Variants in SRFBP1 observed in about 807,000 individuals in gnomAD.
SRFBP1 encodes the protein serum response factor-binding protein 1.
SRFBP1 carries 47 observed loss-of-function variants against 45.5 expected under a neutral mutation model. The ratio of observed to expected loss-of-function variants is 1.03; its 90% CI spans 0.82 to 1.32. SRFBP1 has a LOEUF of 1.32. Ranked by LOEUF, SRFBP1 falls within the 40% of genes most tolerant of loss-of-function variation. The probability of loss-of-function intolerance (pLI) is 0.00; values close to 1 mark genes in which losing one functional copy is unlikely to be tolerated. For synonymous variants in SRFBP1, 203 were observed against 166.3 expected, an observed-to-expected ratio of 1.22 and a Z score of -1.70; for missense variants, 621 against 484.6, an observed-to-expected ratio of 1.28 and a Z score of -2.64.
At chr5:122,061,884 C>A (rs1202360376) in intron 2 of SRFBP1, among the ~76,000 whole-genome samples, 2 of 151,890 alleles carry the variant, frequency 1.3e-5, no homozygotes, top group African/African-American at 4.8e-5. Flanking sequence ...ATCCTTATGT[C>A]CTATAGCTCA....
chr5:122,001,647 C>T lies in SRFBP1; in HGVS notation c.270+6977C>T, dbSNP rs938824048. Among the ~76,000 whole-genome samples, 68 of 150,282 alleles carry T rather than the reference C, an allele frequency of 4.5e-4. 1 individual carries two copies. In the East Asian group the frequency reaches 0.012, roughly 27 times the overall value. The stretch of plus-strand genomic sequence containing the variant: ...CGCAATCTCGGCTCACTGCAAGCTC[C>T]GCTTCCCGGGTTCACGCCATTCTCC... On this transcript the variant is annotated intron_variant, in intron 4 of 7. Coordinates refer to ENST00000339397, the MANE Select transcript of SRFBP1 (RefSeq NM_152546.3).
intron 2 of SRFBP1, among the ~76,000 whole-genome samples, chr5:122,047,611 G>T (rs1753888368): frequency 6.6e-6 from 1 of 152,116 alleles, no homozygotes; most frequent in African/African-American, 2.4e-5. Context: ...GATGGGGATG[G>T]CATTGAATCT....
chr5:122,069,971 CAG>C (rs774293610), intron 2 of SRFBP1: 9 of 970,882 alleles, frequency 9.3e-6, no homozygotes, highest in South Asian at 9.0e-5. Flanking sequence ...GTAGCAGAAA[CAG>C]ATACATTCTA....
Position 121,985,096 on chromosome 5 carries a change from T to A in SRFBP1, c.199-9503T>A, listed in dbSNP as rs76445746. Among the ~76,000 whole-genome samples the A allele has an allele frequency of 6.8e-4, 104 of 151,986 alleles. 3 individuals are homozygous for A. The East Asian group carries it at 0.018, about 26-fold the overall frequency. ...TAGTTTATAAAAATATAGAAATTAA[T>A]ATGGTGTCTGCCTTTGAGAAGCTTA... On this transcript the variant is annotated intron_variant, in intron 3 of 7. Transcript: ENST00000339397.
chr5:122,002,558 G>A (rs1228278623), intron 4 of SRFBP1, among the ~76,000 whole-genome samples: 3 of 152,184 alleles, frequency 2.0e-5, no homozygotes, highest in Non-Finnish European at 4.4e-5. Flanking sequence ...ATACTGCATA[G>A]TTTTTACTTT....
chr5:122,021,554 G>A (rs1442179952), intron 6 of SRFBP1, among the ~76,000 whole-genome samples: 6 of 151,774 alleles, frequency 4.0e-5, no homozygotes, highest in African/African-American at 1.5e-4. Flanking sequence ...AACGTGTGGA[G>A]TGTTGAAATA....
intron 3 of SRFBP1, among the ~76,000 whole-genome samples, chr5:121,976,320 A>G (rs897387518): frequency 8.6e-5 from 13 of 151,826 alleles, no homozygotes; most frequent in Admixed American, 3.3e-4. Context: ...CACTATTATA[A>G]AATTCATGGA....
chr5:121,980,311 G>A (rs1752383615), intron 3 of SRFBP1, among the ~76,000 whole-genome samples: 2 of 152,046 alleles, frequency 1.3e-5, no homozygotes, highest in African/African-American at 4.8e-5. Flanking sequence ...TTTACTATCA[G>A]TGTTGAGTTC....
At chr5:122,066,661 A>G in intron 2 of SRFBP1, 1 of 1,115,040 alleles carries the variant, frequency 9.0e-7, no homozygotes, top group East Asian at 2.4e-5. Flanking sequence ...CAAAATACAT[A>G]AATCCTACTG....
chr5:121,974,327 A>G lies in SRFBP1; in HGVS notation c.125+43A>G, dbSNP rs757456004. 9 of 1,416,280 alleles carry G rather than the reference A, an allele frequency of 6.4e-6. No individual in the cohort carries two copies. The South Asian group carries it at 9.4e-5, about 15-fold the overall frequency. The allele number at this position is 1,416,280 out of a possible 1,614,324, so 87.7% of individuals were successfully genotyped here. On this transcript the variant is annotated intron_variant, in intron 2 of 7. Coordinates refer to ENST00000339397, the MANE Select transcript of SRFBP1 (RefSeq NM_152546.3). ...ATGATCTTGTGACTAATAAAATGTC[A>G]AAAGTTGTTTTTATTTGATACTTTA...
chr5:122,054,267 A>G (rs1197459157), intron 2 of SRFBP1, among the ~76,000 whole-genome samples: 2 of 152,192 alleles, frequency 1.3e-5, no homozygotes, highest in East Asian at 1.9e-4. Context: ...TCCATCTTGC[A>G]CAGTTCCTGT....
intron 2 of SRFBP1, among the ~76,000 whole-genome samples, chr5:122,047,098 GT>G (rs1000914033): frequency 6.6e-6 from 1 of 152,160 alleles, no homozygotes; most frequent in Non-Finnish European, 1.5e-5. Context: ...TGCTTTTGAT[GT>G]TTTAGACATG....
At chr5:122,004,389 C>T (rs1443971306) in intron 4 of SRFBP1, among the ~76,000 whole-genome samples, 2 of 151,974 alleles carry the variant, frequency 1.3e-5, no homozygotes, top group Admixed American at 6.6e-5. Flanking sequence ...ACTGTCCTTT[C>T]CTTATTGTAT....
intron 2 of SRFBP1, among the ~76,000 whole-genome samples, chr5:122,044,717 T>A (rs887057892): frequency 2.6e-5 from 4 of 152,120 alleles, no homozygotes; most frequent in Non-Finnish European, 4.4e-5. Context: ...AGTTTTTTTC[T>A]TGTGACTTTG....
intron 2 of SRFBP1, among the ~76,000 whole-genome samples, chr5:122,048,508 T>G (rs538456431): frequency 3.7e-4 from 56 of 152,314 alleles, no homozygotes; most frequent in African/African-American, 1.3e-3. Context: ...AAAATTCTCT[T>G]TTTTTGTTGT....
rs1446717602 is a variant in SRFBP1, at chr5:121,974,275, A to G, written c.116A>G (p.Lys39Arg). 5 of 1,609,752 alleles carry G rather than the reference A, an allele frequency of 3.1e-6. No homozygotes were observed. The Admixed American group carries it at 5.0e-5, about 16-fold the overall frequency. Residue 39 changes from lysine to arginine, a missense_variant, in exon 2 of 8, where the codon AAG (lysine) becomes AGG (arginine). By Grantham distance (26) the Lys-to-Arg change is conservative (BLOSUM62 2). Transcript: ENST00000339397. ...RKLVRSVGRLKSKKGTEDALL... is the reference protein window; with the variant it reads ...RKLVRSVGRLRSKKGTEDALL... ...CTTGTCAGGAGTGTTGGCCGACTGA[A>G]GTCAAAAAAGTTAGTCATTTAAAGT...
intron 4 of SRFBP1, among the ~76,000 whole-genome samples, chr5:121,995,481 A>C (rs968250435): frequency 2.0e-5 from 3 of 152,296 alleles, no homozygotes; most frequent in East Asian, 1.9e-4. Context: ...ACAAAGACAC[A>C]ACATACCAGA....
At chr5:122,059,055 G>A (rs1329425790) in intron 2 of SRFBP1, among the ~76,000 whole-genome samples, 1 of 152,132 alleles carries the variant, frequency 6.6e-6, no homozygotes, top group Admixed American at 6.6e-5. Context: ...AGGATCCCCT[G>A]TAGTTAAATT....
chr5:122,070,067 G>T, intron 2 of SRFBP1: 1 of 1,610,578 alleles, frequency 6.2e-7, no homozygotes, highest in Non-Finnish European at 8.5e-7. Flanking sequence ...AAATTGTGCA[G>T]CCTGAGGCAT....
Sources: allele counts gnomAD v4.1 joint callset (sites outside exome capture counted in the v4.1 genomes callset), GRCh38; gene constraint gnomAD v4.1.1; transcripts MANE v1.5; gene names NCBI Gene and HGNC (gene_info 2026-07-23, HGNC 2026-07-21).